CLIP1: variants seen among roughly 807,000 people sequenced by gnomAD.
CLIP1 encodes CAP-Gly domain-containing linker protein 1.
In CLIP1, 66 loss-of-function variants were observed where a neutral mutation model predicts 161.6. That is an observed-to-expected ratio of 0.41 (90% CI 0.33 to 0.50). CLIP1 has a LOEUF of 0.50. CLIP1 is among the 20% of genes least tolerant of loss of function. The probability of loss-of-function intolerance (pLI) is 0.27; values close to 1 mark genes in which losing one functional copy is unlikely to be tolerated. For synonymous variants in CLIP1, 598 were observed against 626.2 expected (o/e 0.96, Z 0.67); for missense variants, 1,376 against 1,702.0 (o/e 0.81, Z 3.37).
chr12:122,390,285 T>TATATAC (rs1555280668), intron 1 of CLIP1, among the ~76,000 whole-genome samples: 2 of 127,846 alleles, frequency 1.6e-5, no homozygotes, highest in Non-Finnish European at 3.2e-5. Context: ...TATACATATA[T>TATATAC]ATATATATAT....
At position 122,290,602 on chromosome 12, in the gene CLIP1, C is replaced by T. The variant is rs369109479; in HGVS notation, c.3595-2061G>A. The stretch of plus-strand genomic sequence containing the variant: ...AATGAATATATAAATGGACAAAGAG[C>T]ATGGCAGACAATTCACAAAACAAAA... On this transcript the variant is annotated intron_variant, in intron 20 of 25. Coordinates refer to ENST00000620786, the MANE Select transcript of CLIP1 (RefSeq NM_001247997.2). 5.7e-4 allele frequency among the ~76,000 whole-genome samples: 86 copies of T among 152,034 alleles called. 1 individual carries two copies. In the South Asian group the frequency reaches 0.017, roughly 29 times the overall value.
At chr12:122,376,604 C>A (rs1298711494) in intron 3 of CLIP1, among the ~76,000 whole-genome samples, 1 of 150,614 alleles carries the variant, frequency 6.6e-6, no homozygotes, top group Non-Finnish European at 1.5e-5. Flanking sequence ...GTAGCTGGGA[C>A]TACAGGCGCA....
chr12:122,394,363 C>T, intron 1 of CLIP1, among the ~76,000 whole-genome samples: 1 of 151,480 alleles, frequency 6.6e-6, no homozygotes. Flanking sequence ...GTGGCACGTG[C>T]CTATAATCCC....
At chr12:122,334,209 G>C (rs1952111075) in intron 13 of CLIP1, 99 bp from the exon 14 acceptor site, 1 of 732,816 alleles carries the variant, frequency 1.4e-6, no homozygotes, top group Non-Finnish European at 2.4e-6. Context: ...ATGCTCAAGA[G>C]ATCTGAGAAC....
At chr12:122,366,570 G>T (rs1031125522) in intron 3 of CLIP1, among the ~76,000 whole-genome samples, 2 of 152,198 alleles carry the variant, frequency 1.3e-5, no homozygotes, top group Non-Finnish European at 2.9e-5. Flanking sequence ...GCTGGGTGCG[G>T]TGGCTCAGGT....
chr12:122,331,500 C>T (rs1056754871), intron 15 of CLIP1, among the ~76,000 whole-genome samples: 2 of 151,230 alleles, frequency 1.3e-5, no homozygotes, highest in African/African-American at 2.4e-5. Flanking sequence ...TTTTTAGTAG[C>T]GATAGGGTTT....
chr12:122,366,097 G>A (rs1297708224), intron 3 of CLIP1, among the ~76,000 whole-genome samples: 1 of 151,860 alleles, frequency 6.6e-6, no homozygotes, highest in Admixed American at 6.6e-5. Context: ...ACCTGAGGTT[G>A]GGAGTTTGAG....
chr12:122,286,031 A>T (rs1278768318), intron 21 of CLIP1, among the ~76,000 whole-genome samples: 1 of 151,912 alleles, frequency 6.6e-6, no homozygotes, highest in Non-Finnish European at 1.5e-5. Flanking sequence ...TGGTTATGCT[A>T]TTCTTTAAGG....
chr12:122,388,257 C>T (rs895987931), intron 1 of CLIP1, among the ~76,000 whole-genome samples: 5 of 151,098 alleles, frequency 3.3e-5, no homozygotes, highest in South Asian at 2.1e-4. Context: ...TCTCACTCTG[C>T]CGCCCAGGCT....
At chr12:122,357,686 TG>T (rs1233929323) in intron 5 of CLIP1, among the ~76,000 whole-genome samples, 12 of 125,974 alleles carry the variant, frequency 9.5e-5, no homozygotes, top group Admixed American at 9.1e-4. Flanking sequence ...GGGAGGGAGA[TG>T]GGGGGGTCAG....
intron 11 of CLIP1, among the ~76,000 whole-genome samples, chr12:122,339,006 A>C (rs886571876): frequency 1.3e-5 from 2 of 152,150 alleles, no homozygotes; most frequent in Non-Finnish European, 2.9e-5. Flanking sequence ...CCAATAGAGC[A>C]GCTTCTCCCA....
At chr12:122,419,868 G>A (rs141260157) in intron 1 of CLIP1, among the ~76,000 whole-genome samples, 1,957 of 145,466 alleles carry the variant, frequency 0.013, 46 homozygotes, top group African/African-American at 0.041. Flanking sequence ...CCTGGGAAGC[G>A]GAGGTTGCAC....
At chr12:122,361,872 T>C (rs948478255) in intron 4 of CLIP1, among the ~76,000 whole-genome samples, 2 of 151,986 alleles carry the variant, frequency 1.3e-5, no homozygotes, top group Middle Eastern at 3.4e-3. Context: ...CGCACCAAAA[T>C]CTCAGATATC....
intron 10 of CLIP1, among the ~76,000 whole-genome samples, chr12:122,345,291 T>A (rs1021201638): frequency 5.9e-5 from 9 of 151,328 alleles, no homozygotes; most frequent in Admixed American, 5.3e-4. Context: ...TCCTTCCACC[T>A]CAGCCTGCCA....
chr12:122,281,558 TGGC>T (rs929685715), intron 21 of CLIP1, among the ~76,000 whole-genome samples: 11 of 151,662 alleles, frequency 7.3e-5, no homozygotes, highest in Admixed American at 3.9e-4. Context: ...TAGCTAGGCA[TGGC>T]AGCGCATGCT....
chr12:122,355,173 G>T lies in CLIP1; in HGVS notation c.1145C>A (p.Thr382Lys), dbSNP rs1228532230. ...DLERAEVAKA[T>K]SHVGEIEQEL... is the part of the protein sequence containing the mutation. ...CTGCTCTATCTCCCCCACGTGGCTCGTGGCCTTGGCCACCTCCGCCCTCTC... is the reference window on the plus strand; with the variant it reads ...CTGCTCTATCTCCCCCACGTGGCTCTTGGCCTTGGCCACCTCCGCCCTCTC... The change falls in exon 6 of 26, where the codon ACG becomes AAG. Residue 382 changes from threonine (T) to lysine (K), a missense_variant. Physicochemically the swap from Thr to Lys is moderately conservative, Grantham distance 78. Around this residue, in one of 6 missense-constraint regions of CLIP1, gnomAD observed 211 missense variants for 295.1 expected, o/e 0.72. Coordinates refer to ENST00000620786, the MANE Select transcript of CLIP1 (RefSeq NM_001247997.2). The surrounding 1 kb of genome is among the most constrained non-coding windows in gnomAD (Gnocchi z 4.1). 3 of 1,614,160 alleles carry T rather than the reference G, an allele frequency of 1.9e-6. No individual in the cohort carries two copies. The highest frequency in any genetic ancestry group is 2.5e-6 in the Non-Finnish European group (3 of 1,180,016).
intron 3 of CLIP1, among the ~76,000 whole-genome samples, chr12:122,372,467 AGCTAC>A (rs1954502795): frequency 6.6e-6 from 1 of 151,750 alleles, no homozygotes; most frequent in Non-Finnish European, 1.5e-5. Flanking sequence ...CTGTAATCCC[AGCTAC>A]GCTACTTGGG....
intron 3 of CLIP1, among the ~76,000 whole-genome samples, chr12:122,367,595 G>A (rs999499578): frequency 6.6e-6 from 1 of 152,106 alleles, no homozygotes; most frequent in African/African-American, 2.4e-5. Context: ...GTACATGCAC[G>A]TACAGGAAAC....
rs1056913640 is a variant in CLIP1, at chr12:122,272,418, G to C, written c.*457C>G. The C allele has an allele frequency of 1.2e-5, 2 of 164,522 alleles. No homozygotes were observed. The highest frequency in any genetic ancestry group is 3.4e-4 in the East Asian group (2 of 5,872). The allele number at this position is 164,522 out of a possible 1,614,324, so 10.2% of individuals were successfully genotyped here. A position where few individuals can be genotyped will look rare whatever the true frequency, so the allele number is the denominator to read the frequency against. On this transcript the variant is annotated 3_prime_UTR_variant, in exon 26 of 26. Coordinates refer to ENST00000620786, the MANE Select transcript of CLIP1 (RefSeq NM_001247997.2). ...AAGAATAAAATACTTTAAATGAGTA[G>C]ATGAAAATGCAAAATGGCACATTTT...
Sources: gnomAD v4.1 joint callset for allele counts (sites outside exome capture counted in the v4.1 genomes callset) on GRCh38, gnomAD v4.1.1 for gene constraint, gnomAD v4.1.1 regional missense constraint, Gnocchi (gnomAD v3.1) non-coding constraint, MANE v1.5 for transcripts, NCBI Gene and HGNC (gene_info 2026-07-23, HGNC 2026-07-21) for gene names.